The following NBEAL1 variants were observed in gnomAD, a reference collection of about 807,000 sequenced individuals.
The protein encoded by NBEAL1 is neurobeachin like 1.
Under a neutral mutation model 351.3 loss-of-function variants are expected in NBEAL1, and 273 were observed. The observed-to-expected ratio is 0.78, with a 90% confidence interval of 0.70 to 0.86. NBEAL1 has a LOEUF of 0.86. Ranked by LOEUF, NBEAL1 falls within the 40% of genes least tolerant of loss-of-function variation. The pLI is 0.00. For missense variants in NBEAL1, 2,961 were observed against 3,201.3 expected (o/e 0.92, Z 1.81); for synonymous variants, 1,050 against 1,086.4 (o/e 0.97, Z 0.66).
At chr2:203,110,894 T>C (rs1466457242) in intron 15 of NBEAL1, among the ~76,000 whole-genome samples, 2 of 150,912 alleles carry the variant, frequency 1.3e-5, no homozygotes, top group Non-Finnish European at 3.0e-5. Flanking sequence ...GCCTCCCAAG[T>C]AGCTGGGACT....
chr2:203,162,479 G>C (rs1420128964), intron 36 of NBEAL1, among the ~76,000 whole-genome samples: 1 of 151,998 alleles, frequency 6.6e-6, no homozygotes, highest in Non-Finnish European at 1.5e-5. Flanking sequence ...AGGCATGGTG[G>C]CCCTCAATTT....
At chr2:203,211,179 A>T in intron 54 of NBEAL1, 73 bp downstream of exon 54, 1 of 1,111,734 alleles carries the variant, frequency 9.0e-7, no homozygotes, top group Non-Finnish European at 1.2e-6. Context: ...GAAAATCAGG[A>T]ATCTAAGATT....
intron 51 of NBEAL1, among the ~76,000 whole-genome samples, chr2:203,208,018 A>G (rs1465733089): frequency 6.6e-6 from 1 of 152,228 alleles, no homozygotes; most frequent in African/African-American, 2.4e-5. Flanking sequence ...ATGGTGGCCA[A>G]TACCTATAAT....
At chr2:203,138,109 T>C in intron 29 of NBEAL1, 53 bp from the exon 30 acceptor site, 3 of 1,572,240 alleles carry the variant, frequency 1.9e-6, no homozygotes, top group South Asian at 1.2e-5. Context: ...TTTAATGTCC[T>C]ACTGTTTTTC....
In NBEAL1 at chr2:203,016,157, T is replaced by C. The variant is rs2060677593; in HGVS notation, c.-228T>C. Reference sequence around the variant, plus strand: ...TGTGGATGTTTTTCTCTTTCACAGATTTATTTAATTGCCCAACTACCACTG... The same window carrying C: ...TGTGGATGTTTTTCTCTTTCACAGACTTATTTAATTGCCCAACTACCACTG... On this transcript the variant is annotated splice_region_variant and 5_prime_UTR_variant, in exon 2 of 56. Transcript: ENST00000683969. The C allele has an allele frequency of 2.8e-6, 1 of 361,708 alleles. No individual in the cohort carries two copies. Among genetic ancestry groups the C allele is most frequent in the East Asian group, 4.1e-5 (1 of 24,564 alleles). The allele number at this position is 361,708 out of a possible 1,614,324, so 22.4% of individuals were successfully genotyped here. A position where few individuals can be genotyped will look rare whatever the true frequency, so the allele number is the denominator to read the frequency against.
intron 34 of NBEAL1, among the ~76,000 whole-genome samples, chr2:203,150,836 G>A (rs761996122): frequency 6.6e-6 from 1 of 152,178 alleles, no homozygotes; most frequent in Non-Finnish European, 1.5e-5. Context: ...AACAGTGAGA[G>A]AGTAAAGGTA....
chr2:203,083,496 G>A lies in NBEAL1; in HGVS notation c.962G>A (p.Arg321Gln), dbSNP rs761332715. 15 of 1,549,372 alleles carry A rather than the reference G, an allele frequency of 9.7e-6. No individual in the cohort carries two copies. The highest frequency in any genetic ancestry group is 2.7e-5 in the African/African-American group (2 of 73,076). ...NQRRSRQWEN[R>Q]FIALQIKMLN... ...AGGAGGTCCAGACAGTGGGAAAACCGATTTATTGCTCTACAGATCAAAATG... is the reference window on the plus strand; with the variant it reads ...AGGAGGTCCAGACAGTGGGAAAACCAATTTATTGCTCTACAGATCAAAATG... The change falls in exon 9 of 56, where the codon CGA becomes CAA. Residue 321 changes from arginine to glutamine, a missense_variant. Coordinates refer to ENST00000683969, the MANE Select transcript of NBEAL1 (RefSeq NM_001378026.1).
Position 203,062,151 on chromosome 2 carries a change from G to A in NBEAL1, c.515+4698G>A. The A allele has an allele frequency of 5.0e-6, 2 of 403,174 alleles. No individual in the cohort carries two copies. The highest frequency in any genetic ancestry group is 7.5e-5 in the East Asian group (1 of 13,392). The allele number at this position is 403,174 out of a possible 1,614,324, so 25.0% of individuals were successfully genotyped here. ...TGTTCAGATTAAGATTTGAATTCTG[G>A]CTGAAGGTTTCTCCACCTTGACTAT... On this transcript the variant is annotated intron_variant, in intron 6 of 55. Coordinates refer to ENST00000683969, the MANE Select transcript of NBEAL1 (RefSeq NM_001378026.1). The surrounding 1 kb of genome is among the most constrained non-coding windows in gnomAD (Gnocchi z 4.2).
At chr2:203,055,954 A>G (rs549486107) in intron 4 of NBEAL1, among the ~76,000 whole-genome samples, 1 of 152,366 alleles carries the variant, frequency 6.6e-6, no homozygotes, top group East Asian at 1.9e-4. Flanking sequence ...GAAATATGAC[A>G]TCCTTAAAAG....
intron 2 of NBEAL1, chr2:203,040,819 A>G (rs1421225715): frequency 2.0e-5 from 10 of 494,156 alleles, no homozygotes; most frequent in Non-Finnish European, 3.5e-5. Flanking sequence ...TACCAAAAAT[A>G]TAGTGGGCTT....
At chr2:203,089,323 C>T (rs975767622) in intron 10 of NBEAL1, among the ~76,000 whole-genome samples, 1 of 151,174 alleles carries the variant, frequency 6.6e-6, no homozygotes, top group Non-Finnish European at 1.5e-5. Context: ...CACCCCACTG[C>T]ACTCCAGCCT....
In NBEAL1 at chr2:203,207,170, C is replaced by A. The variant is rs1228099707; in HGVS notation, c.7507-1467C>A. On this transcript the variant is annotated intron_variant, in intron 51 of 55. Coordinates refer to ENST00000683969, the MANE Select transcript of NBEAL1 (RefSeq NM_001378026.1). ...ACCGCCCTGTCTGAGAAGTGAGGAGCCCCTCCGCCCGGCAGCCGCCCCGTC... is the reference window on the plus strand; with the variant it reads ...ACCGCCCTGTCTGAGAAGTGAGGAGACCCTCCGCCCGGCAGCCGCCCCGTC... Among the ~76,000 whole-genome samples, 771 of 149,484 alleles carry A rather than the reference C, an allele frequency of 5.2e-3. 10 individuals carry two copies. The highest frequency in any genetic ancestry group is 0.018 in the African/African-American group (726 of 40,502).
At chr2:203,071,084 T>G (rs2061674660) in intron 7 of NBEAL1, among the ~76,000 whole-genome samples, 1 of 152,236 alleles carries the variant, frequency 6.6e-6, no homozygotes. Context: ...ATTGATTTTT[T>G]GTTTAAAAAT....
intron 36 of NBEAL1, among the ~76,000 whole-genome samples, chr2:203,163,825 C>T (rs2064044676): frequency 6.6e-6 from 1 of 152,026 alleles, no homozygotes; most frequent in African/African-American, 2.4e-5. Context: ...TTGAATAAAG[C>T]TGTTATGATC....
chr2:203,206,565 G>A (rs546958726), intron 51 of NBEAL1, among the ~76,000 whole-genome samples: 30 of 146,700 alleles, frequency 2.0e-4, no homozygotes, highest in African/African-American at 7.5e-4. Context: ...GCAGGCGCGC[G>A]CCGCCACGCC....
rs145852848 is a variant in NBEAL1, at chr2:203,117,219, C to T, written c.2592+1149C>T. On this transcript the variant is annotated intron_variant, in intron 18 of 55. Coordinates refer to ENST00000683969, the MANE Select transcript of NBEAL1 (RefSeq NM_001378026.1). ...AGTGGCTCACGCTTTAATCCCAGCA[C>T]TTTGGGAGACCGAGGCGGGCGGATC... 2.4e-3 allele frequency among the ~76,000 whole-genome samples: 366 copies of T among 152,314 alleles called. 1 individual carries two copies. Among genetic ancestry groups the T allele is most frequent in the African/African-American group, 8.3e-3 (343 of 41,568 alleles).
At chr2:203,118,658 C>T (rs1353387180) in intron 18 of NBEAL1, among the ~76,000 whole-genome samples, 1 of 150,378 alleles carries the variant, frequency 6.6e-6, no homozygotes, top group Non-Finnish European at 1.5e-5. Context: ...GTGGCGCAAT[C>T]TTGGCTCACT....
At chr2:203,043,476 C>T (rs1379166148) in intron 3 of NBEAL1, among the ~76,000 whole-genome samples, 1 of 152,098 alleles carries the variant, frequency 6.6e-6, no homozygotes, top group Non-Finnish European at 1.5e-5. Context: ...TGCAGTGGCT[C>T]ACATCTGTAG....
At chr2:203,090,703 A>T (rs2062046805) in intron 10 of NBEAL1, among the ~76,000 whole-genome samples, 1 of 152,210 alleles carries the variant, frequency 6.6e-6, no homozygotes, top group African/African-American at 2.4e-5. Context: ...AGCCTGGCCA[A>T]CATGGAAACC....
Sources: allele counts gnomAD v4.1 joint callset (sites outside exome capture counted in the v4.1 genomes callset), GRCh38; gene constraint gnomAD v4.1.1; non-coding constraint Gnocchi (gnomAD v3.1); transcripts MANE v1.5; gene names NCBI Gene and HGNC (gene_info 2026-07-23, HGNC 2026-07-21).